The following GRID2 variants were observed in gnomAD, a reference collection of about 807,000 sequenced individuals.
GRID2 encodes the protein glutamate ionotropic receptor delta type subunit 2.
A neutral mutation model predicts 114.8 loss-of-function variants in GRID2; 33 were observed. That is an observed-to-expected ratio of 0.29 (90% confidence interval 0.22 to 0.38). The LOEUF (loss-of-function observed/expected upper bound fraction) is 0.38. Ranked by LOEUF, GRID2 falls within the 10% of genes least tolerant of loss-of-function variation. The pLI, the probability that GRID2 is intolerant of heterozygous loss-of-function variation, is 1.00. For missense variants in GRID2, 1,184 were observed against 1,257.7 expected (o/e 0.94, Z 0.89); for synonymous variants, 505 against 449.9 (o/e 1.12, Z -1.55).
chr4:93,032,731 T>G (rs1314740076), intron 2 of GRID2, among the ~76,000 whole-genome samples: 4 of 152,152 alleles, frequency 2.6e-5, no homozygotes, highest in African/African-American at 7.2e-5. Context: ...AGAAAACAAT[T>G]ATCATATTTA....
At chr4:92,621,348 T>G (rs953259310) in intron 2 of GRID2, among the ~76,000 whole-genome samples, 1 of 151,824 alleles carries the variant, frequency 6.6e-6, no homozygotes, top group Non-Finnish European at 1.5e-5. Flanking sequence ...GATAAACATA[T>G]GAGAGAAGAG....
chr4:93,238,806 G>T (rs912163349), intron 8 of GRID2, among the ~76,000 whole-genome samples: 19 of 151,546 alleles, frequency 1.3e-4, no homozygotes, highest in Admixed American at 8.6e-4. Context: ...TATACACTTT[G>T]TAGCTGCTTG....
intron 2 of GRID2, among the ~76,000 whole-genome samples, chr4:92,600,924 C>T (rs556450454): frequency 5.3e-4 from 81 of 152,328 alleles, no homozygotes; most frequent in African/African-American, 1.9e-3. Flanking sequence ...AGGAAGTGCA[C>T]TGTGCTGGGG....
chr4:93,216,593 G>A, intron 5 of GRID2, 145 bp from the exon 6 acceptor site: 1 of 532,502 alleles, frequency 1.9e-6, no homozygotes. Context: ...AAAATATGTT[G>A]CTTTCATTTA....
At chr4:93,308,030 T>C (rs955212496) in intron 8 of GRID2, among the ~76,000 whole-genome samples, 2 of 152,170 alleles carry the variant, frequency 1.3e-5, no homozygotes, top group African/African-American at 2.4e-5. Flanking sequence ...TAGGGATCTA[T>C]GTACTGCCAA....
chr4:92,866,544 CT>C (rs201554780), intron 2 of GRID2, among the ~76,000 whole-genome samples: 93 of 145,200 alleles, frequency 6.4e-4, no homozygotes, highest in Middle Eastern at 3.5e-3. Flanking sequence ...TGATGTTATC[CT>C]TTTTTTTTTT....
chr4:93,782,806 C>G (rs1273694666), intron 1 of GRID2, among the ~76,000 whole-genome samples: 1 of 151,982 alleles, frequency 6.6e-6, no homozygotes, highest in Non-Finnish European at 1.5e-5. Context: ...CTGTTAAAAC[C>G]TGATTTCCCA....
chr4:92,537,931 C>T (rs1335621047), intron 1 of GRID2, among the ~76,000 whole-genome samples: 1 of 151,980 alleles, frequency 6.6e-6, no homozygotes, highest in Non-Finnish European at 1.5e-5. Context: ...ATTGAAAACC[C>T]TCTCTCCATC....
intron 9 of GRID2, among the ~76,000 whole-genome samples, chr4:93,416,661 T>A (rs184807376): frequency 6.6e-6 from 1 of 152,192 alleles, no homozygotes; most frequent in Admixed American, 6.6e-5. Context: ...CAATATTACT[T>A]AGTTATTAAC....
chr4:93,359,397 T>G (rs1199718899), intron 8 of GRID2, among the ~76,000 whole-genome samples: 1 of 151,962 alleles, frequency 6.6e-6, no homozygotes, highest in Non-Finnish European at 1.5e-5. Flanking sequence ...TGGGATATCC[T>G]TTCCCTCAAG....
intron 2 of GRID2, among the ~76,000 whole-genome samples, chr4:92,749,969 C>T (rs376379541): frequency 2.0e-5 from 3 of 152,048 alleles, no homozygotes; most frequent in African/African-American, 7.2e-5. Flanking sequence ...TCCAGCAATT[C>T]TCCTGCCTCA....
intron 13 of GRID2, among the ~76,000 whole-genome samples, chr4:93,581,315 A>T (rs1578310809): frequency 1.3e-5 from 2 of 152,298 alleles, no homozygotes; most frequent in South Asian, 4.1e-4. Flanking sequence ...TAAATGGTTA[A>T]TTATCCAAAA....
At chr4:93,155,691 A>G (rs1737116557) in intron 4 of GRID2, among the ~76,000 whole-genome samples, 1 of 151,778 alleles carries the variant, frequency 6.6e-6, no homozygotes, top group African/African-American at 2.4e-5. Context: ...TGGAGAAGGG[A>G]GGGGCAAGCA....
intron 2 of GRID2, among the ~76,000 whole-genome samples, chr4:92,624,620 T>C (rs907177883): frequency 2.0e-5 from 3 of 151,840 alleles, no homozygotes; most frequent in African/African-American, 7.2e-5. Flanking sequence ...TTTAAACTTT[T>C]CCTTTCAGAG....
At chr4:93,095,912 A>G (rs1731185138) in intron 3 of GRID2, among the ~76,000 whole-genome samples, 1 of 152,056 alleles carries the variant, frequency 6.6e-6, no homozygotes, top group Admixed American at 6.6e-5. Flanking sequence ...TGATCCTAAC[A>G]TTGTGTAAAG....
At chr4:93,728,093 GA>G (rs1381535819) in intron 14 of GRID2, among the ~76,000 whole-genome samples, 1 of 151,918 alleles carries the variant, frequency 6.6e-6, no homozygotes, top group Non-Finnish European at 1.5e-5. Flanking sequence ...GTCAATTTTA[GA>G]TCTTTCCTGC....
chr4:93,764,790 C>T (rs1398399301), intron 14 of GRID2, among the ~76,000 whole-genome samples: 1 of 152,172 alleles, frequency 6.6e-6, no homozygotes, highest in African/African-American at 2.4e-5. Context: ...ACAATAACCA[C>T]AGTAACTCTT....
intron 2 of GRID2, among the ~76,000 whole-genome samples, chr4:92,804,357 A>G (rs979451172): frequency 2.6e-5 from 4 of 152,038 alleles, no homozygotes; most frequent in Non-Finnish European, 4.4e-5. Context: ...GCATAGGCAC[A>G]AAATAGTTCT....
chr4:92,697,022 A>G (rs1734452405), intron 2 of GRID2, among the ~76,000 whole-genome samples: 1 of 152,180 alleles, frequency 6.6e-6, no homozygotes, highest in South Asian at 2.1e-4. Flanking sequence ...TGTGAAATGA[A>G]TTTTAGTGTT....
Sources: gnomAD v4.1 joint callset for allele counts (sites outside exome capture counted in the v4.1 genomes callset) on GRCh38, gnomAD v4.1.1 for gene constraint, MANE v1.5 for transcripts, NCBI Gene and HGNC (gene_info 2026-07-23, HGNC 2026-07-21) for gene names.